CPD: variants seen among roughly 807,000 people sequenced by gnomAD.
CPD encodes metallocarboxypeptidase D.
A neutral mutation model predicts 138.3 loss-of-function variants in CPD; 69 were observed. That is an observed-to-expected ratio of 0.50 (90% CI 0.41 to 0.61). CPD has a LOEUF of 0.61. Among genes scored for constraint, CPD ranks in the 20% least tolerant of loss-of-function variants. CPD has a pLI of 0.00. For missense variants in CPD, 1,432 were observed against 1,733.3 expected (o/e 0.83, Z 3.09); for synonymous variants, 651 against 642.1 (o/e 1.01, Z -0.21).
intron 1 of CPD, among the ~76,000 whole-genome samples, chr17:30,381,724 A>G (rs887214655): frequency 1.4e-4 from 21 of 152,320 alleles, no homozygotes; most frequent in African/African-American, 5.1e-4. Flanking sequence ...GATATTTTTA[A>G]ATACTCAAAC....
chr17:30,450,113 A>G (rs1308928481), intron 13 of CPD: 4 of 152,896 alleles, frequency 2.6e-5, no homozygotes, highest in African/African-American at 9.9e-5. Flanking sequence ...CTTGAGTGCA[A>G]TGGCATGATC....
intron 2 of CPD, among the ~76,000 whole-genome samples, chr17:30,415,629 G>A (rs1164540114): frequency 6.6e-6 from 1 of 152,088 alleles, no homozygotes; most frequent in Non-Finnish European, 1.5e-5. Flanking sequence ...CTCTAAAGAA[G>A]ATATACACAT....
At chr17:30,455,654 G>T in intron 15 of CPD, 184 bp downstream of exon 15, 1 of 556,986 alleles carries the variant, frequency 1.8e-6, no homozygotes, top group Non-Finnish European at 3.0e-6. Flanking sequence ...CAGATCTAAT[G>T]GTAGCCCAGC....
chr17:30,429,768 G>A (rs1256223224), intron 7 of CPD, among the ~76,000 whole-genome samples: 1 of 152,086 alleles, frequency 6.6e-6, no homozygotes, highest in African/African-American at 2.4e-5. Flanking sequence ...AGACTTCTAG[G>A]GGTAAAAAAT....
rs184488188 is a variant in CPD, at chr17:30,379,096, C to T, written c.116C>T (p.Ala39Val). ...GCGGCTCACATCAAGAAGGCGGAGG[C>T]GACTACCACAACTACGAGCGCGGGC... ...ARAAHIKKAE[A>V]TTTTTSAGAE... The change falls in exon 1 of 21, where the codon GCG becomes GTG. Residue 39 changes from alanine to valine, a missense_variant. By Grantham distance (64) the Ala-to-Val change is moderately conservative. Transcript: ENST00000225719. This position sits in a 1 kb window ranked among gnomAD's most constrained non-coding sequence, Gnocchi z 7.0. The T allele has an allele frequency of 1.4e-3, 2,128 of 1,555,082 alleles. 30 individuals carry two copies. In the East Asian group the frequency reaches 0.035, roughly 26 times the overall value.
intron 8 of CPD, among the ~76,000 whole-genome samples, chr17:30,434,344 C>T (rs1912645193): frequency 6.6e-6 from 1 of 152,156 alleles, no homozygotes; most frequent in South Asian, 2.1e-4. Context: ...ACCCCACCTT[C>T]GCCCCACCAC....
intron 14 of CPD, chr17:30,454,187 A>G (rs893390407): frequency 2.0e-5 from 3 of 152,214 alleles, no homozygotes; most frequent in African/African-American, 7.2e-5. Flanking sequence ...TTTCTATTGC[A>G]TAGTCAGGCT....
chr17:30,406,464 A>T (rs1911803058), intron 2 of CPD, among the ~76,000 whole-genome samples: 1 of 151,810 alleles, frequency 6.6e-6, no homozygotes, highest in South Asian at 2.1e-4. Flanking sequence ...TACCTGGGGG[A>T]TATATTTGTA....
At chr17:30,414,440 G>A (rs1446702145) in intron 2 of CPD, among the ~76,000 whole-genome samples, 1 of 152,032 alleles carries the variant, frequency 6.6e-6, no homozygotes, top group African/African-American at 2.4e-5. Context: ...AAAATTAGCT[G>A]GGCACGGTGG....
intron 2 of CPD, among the ~76,000 whole-genome samples, chr17:30,397,095 C>CT (rs1349757560): frequency 3.3e-5 from 5 of 152,056 alleles, no homozygotes; most frequent in Non-Finnish European, 7.4e-5. Context: ...AATGGTTAAA[C>CT]AGTACCATAA....
chr17:30,379,138 G>T lies in CPD; in HGVS notation c.158G>T (p.Gly53Val). The T allele has an allele frequency of 6.5e-7, 1 of 1,538,562 alleles. No homozygotes were observed. Among genetic ancestry groups the T allele is most frequent in the South Asian group, 1.2e-5 (1 of 84,166 alleles). Residue 53 changes from glycine to valine, a missense_variant, in exon 1 of 21, where the codon GGC becomes GTC. Around this residue, in one of 6 missense-constraint regions of CPD, gnomAD observed 484 missense variants for 477.2 expected, o/e 1.01. Coordinates refer to ENST00000225719, the MANE Select transcript of CPD (RefSeq NM_001304.5). The surrounding 1 kb of genome is among the most constrained non-coding windows in gnomAD (Gnocchi z 7.0). ...AGCGCGGGCGCCGAGGCGGCCGAGG[G>T]CCAGTTCGACCGCTACTACCACGAA... ...TTSAGAEAAE[G>V]QFDRYYHEEE...
intron 1 of CPD, among the ~76,000 whole-genome samples, chr17:30,383,746 C>G (rs1286368815): frequency 6.6e-6 from 1 of 151,598 alleles, no homozygotes; most frequent in African/African-American, 2.4e-5. Context: ...TTTTTTCAAG[C>G]ATATAGAAAA....
At chr17:30,431,961 A>C in intron 8 of CPD, 80 bp downstream of exon 8, 1 of 926,128 alleles carries the variant, frequency 1.1e-6, no homozygotes. Flanking sequence ...TGCAAGACTC[A>C]GGTCAAGTGC....
chr17:30,426,043 AC>A (rs1450407718), intron 6 of CPD, among the ~76,000 whole-genome samples: 1 of 151,964 alleles, frequency 6.6e-6, no homozygotes, highest in African/African-American at 2.4e-5. Context: ...TACTAAAGAT[AC>A]AAAAAATTAG....
Position 30,381,138 on chromosome 17 carries a change from T to C in CPD, c.746+1412T>C, listed in dbSNP as rs73987919. On this transcript the variant is annotated intron_variant, in intron 1 of 20. Coordinates refer to ENST00000225719, the MANE Select transcript of CPD (RefSeq NM_001304.5). ...TAGATATATAATTTCACATAGACTT[T>C]CTGGGAGGATTTTTTTTTCTTTTAA... is the stretch of plus-strand genomic sequence containing the variant. Among the ~76,000 whole-genome samples the C allele has an allele frequency of 6.3e-3, 962 of 152,330 alleles. 11 individuals carry two copies. Among genetic ancestry groups the C allele is most frequent in the African/African-American group, 0.022 (928 of 41,566 alleles).
chr17:30,461,942 T>G lies in CPD; in HGVS notation c.3696T>G (p.Ile1232Met), dbSNP rs771202943. Residue 1232 changes from isoleucine to methionine, a missense_variant, in exon 19 of 21, where the codon ATT becomes ATG. Transcript: ENST00000225719. The stretch of plus-strand genomic sequence containing the variant: ...GAAAGCCAATCTCTAAAGCAGTCAT[T>G]GTACTTAATGAAGGAATAAAGGTAC... ...KTGKPISKAV[I>M]VLNEGIKVQT... The G allele has an allele frequency of 1.2e-5, 20 of 1,613,816 alleles. No individual in the cohort carries two copies. Among genetic ancestry groups the G allele is most frequent in the Non-Finnish European group, 1.6e-5 (19 of 1,179,844 alleles).
chr17:30,443,901 A>G lies in CPD; in HGVS notation c.2473A>G (p.Thr825Ala). Residue 825 changes from threonine (T) to alanine (A), a missense_variant, in exon 11 of 21, where the codon ACT (threonine) becomes GCT (alanine). Around this residue, in one of 6 missense-constraint regions of CPD, gnomAD observed 297 missense variants for 405.3 expected, o/e 0.73. Transcript: ENST00000225719. Reference protein sequence around the residue: ...SVAEINHPVTTYKTGDYWRLL... With the variant: ...SVAEINHPVTAYKTGDYWRLL... ...TGCTGAGATTAATCACCCAGTGACT[A>G]CTTACAAAACTGGAGATTACTGGCG... 3.7e-6 allele frequency: 6 copies of G among 1,613,974 alleles called. No homozygotes were observed. Among genetic ancestry groups the G allele is most frequent in the South Asian group, 2.2e-5 (2 of 91,086 alleles).
intron 2 of CPD, among the ~76,000 whole-genome samples, chr17:30,420,281 C>A (rs866410895): frequency 2.0e-5 from 3 of 152,116 alleles, no homozygotes; most frequent in Non-Finnish European, 4.4e-5. Flanking sequence ...AACAGTTTTT[C>A]TTTTTGCTCT....
intron 13 of CPD, 90 bp downstream of exon 13, chr17:30,449,838 C>G: frequency 2.6e-6 from 3 of 1,160,782 alleles, no homozygotes; most frequent in South Asian, 3.3e-5. Context: ...TAATTTCTTG[C>G]TAGATTTTAC....
Sources: gnomAD v4.1 joint callset for allele counts (sites outside exome capture counted in the v4.1 genomes callset) on GRCh38, gnomAD v4.1.1 for gene constraint, gnomAD v4.1.1 regional missense constraint, Gnocchi (gnomAD v3.1) non-coding constraint, MANE v1.5 for transcripts, NCBI Gene and HGNC (gene_info 2026-07-23, HGNC 2026-07-21) for gene names.